ISY1: variants seen among roughly 807,000 people sequenced by gnomAD.
The protein encoded by ISY1 is pre-mRNA-splicing factor ISY1 homolog.
A neutral mutation model predicts 54.4 loss-of-function variants in ISY1; 12 were observed. The observed-to-expected ratio is 0.22, with a 90% CI of 0.14 to 0.36. ISY1 has a LOEUF of 0.36. Ranked by LOEUF, ISY1 falls within the 10% of genes least tolerant of loss-of-function variation. The pLI, the probability that ISY1 is intolerant of heterozygous loss-of-function variation, is 1.00. For missense variants in ISY1, 282 were observed against 342.2 expected, an observed-to-expected ratio of 0.82 and a Z score of 1.39; for synonymous variants, 96 against 117.9, an observed-to-expected ratio of 0.81 and a Z score of 1.20.
At chr3:129,138,445 C>A (rs1418684816) in intron 7 of ISY1, among the ~76,000 whole-genome samples, 1 of 150,008 alleles carries the variant, frequency 6.7e-6, no homozygotes, top group African/African-American at 2.5e-5. Context: ...ACCATCCTGG[C>A]TAACACGGTG....
chr3:129,132,332 T>C (rs900221322), intron 9 of ISY1, among the ~76,000 whole-genome samples: 3 of 152,188 alleles, frequency 2.0e-5, no homozygotes, highest in Non-Finnish European at 4.4e-5. Context: ...CCTGTATCTC[T>C]ATAATTATTT....
chr3:129,156,420 C>T (rs968556172), intron 5 of ISY1, among the ~76,000 whole-genome samples: 5 of 145,182 alleles, frequency 3.4e-5, no homozygotes, highest in Admixed American at 6.9e-5. Flanking sequence ...AAAAAAATGA[C>T]GTATTCTTTA....
At chr3:129,136,211 C>G (rs1204737954) in intron 7 of ISY1, among the ~76,000 whole-genome samples, 2 of 151,646 alleles carry the variant, frequency 1.3e-5, no homozygotes, top group Non-Finnish European at 2.9e-5. Flanking sequence ...AAGCGATTCT[C>G]CTGCCTCAGC....
In ISY1 at chr3:129,145,855, C is replaced by A; in HGVS notation, c.206G>T (p.Arg69Leu). The A allele has an allele frequency of 6.2e-7, 1 of 1,614,040 alleles. No individual in the cohort carries two copies. Among genetic ancestry groups the A allele is most frequent in the South Asian group, 1.1e-5 (1 of 91,080 alleles). Residue 69 changes from arginine to leucine, a missense_variant, in exon 6 of 11, where the codon CGA becomes CTA. This residue lies in a region of ISY1 where 279 missense variants were observed against 323.6 expected (regional missense o/e 0.86). Coordinates refer to ENST00000393295, the MANE Select transcript of ISY1 (RefSeq NM_020701.4). Reference protein sequence around the residue: ...QIQNAGLGEFRIRDLNDEINK... With the variant: ...QIQNAGLGEFLIRDLNDEINK... ...AATTTCATCATTCAGGTCACGAATT[C>A]GAAATTCACCTAAACCAGCTAGAAA...
chr3:129,143,492 C>T (rs1241687445), intron 6 of ISY1, among the ~76,000 whole-genome samples: 1 of 144,356 alleles, frequency 6.9e-6, no homozygotes, highest in Admixed American at 7.1e-5. Flanking sequence ...GGTGATGAAG[C>T]GAGACTCTGT....
intron 5 of ISY1, among the ~76,000 whole-genome samples, chr3:129,155,247 T>C (rs1178973391): frequency 6.6e-6 from 1 of 151,960 alleles, no homozygotes; most frequent in Admixed American, 6.6e-5. Context: ...AGTCCTGGAG[T>C]GCAGTGGCAC....
chr3:129,157,468 T>A (rs1937175523), intron 3 of ISY1, among the ~76,000 whole-genome samples: 1 of 151,986 alleles, frequency 6.6e-6, no homozygotes. Flanking sequence ...TCTCTGTAAT[T>A]CCCACTTTGG....
rs1400205732 is a variant in ISY1, at chr3:129,156,797, A to C, written c.144+58T>G. The stretch of plus-strand genomic sequence containing the variant: ...TTTTGGTCTAACAGTCATTTAGATA[A>C]TAAGAAGAAATGAGAGACTTGTTAC... On this transcript the variant is annotated intron_variant, in intron 4 of 10. Transcript: ENST00000393295. 5 of 1,588,922 alleles carry C rather than the reference A, an allele frequency of 3.1e-6. No individual in the cohort carries two copies. In the Admixed American group the frequency reaches 9.2e-5, roughly 29 times the overall value.
intron 6 of ISY1, among the ~76,000 whole-genome samples, chr3:129,143,050 G>A (rs1043335012): frequency 4.0e-5 from 6 of 151,824 alleles, no homozygotes; most frequent in East Asian, 1.9e-4. Context: ...GCGAGACTCC[G>A]TCGCAAAAAC....
chr3:129,137,947 C>T (rs1031721108), intron 7 of ISY1, among the ~76,000 whole-genome samples: 1 of 148,372 alleles, frequency 6.7e-6, no homozygotes, highest in African/African-American at 2.5e-5. Context: ...CTCGAGACCA[C>T]CCTGGCCAAC....
intron 7 of ISY1, among the ~76,000 whole-genome samples, chr3:129,138,687 C>A (rs1052244138): frequency 6.8e-6 from 1 of 148,136 alleles, no homozygotes; most frequent in Non-Finnish European, 1.5e-5. Flanking sequence ...TGGTGGCATG[C>A]GCCTGTAGTC....
chr3:129,134,658 A>G lies in ISY1; in HGVS notation c.541+174T>C, dbSNP rs183554066. On this transcript the variant is annotated intron_variant, in intron 8 of 10. Transcript: ENST00000393295. ...CCCCAACCTGTTACCTCTGGCCCAC[A>G]CAGCTTTGACTGCCTCACAGGGGTC... Among the ~76,000 whole-genome samples the G allele has an allele frequency of 1.9e-4, 29 of 152,284 alleles. No individual in the cohort carries two copies. In the East Asian group the frequency reaches 5.4e-3, roughly 28 times the overall value.
chr3:129,148,638 C>T (rs1936843463), intron 5 of ISY1, among the ~76,000 whole-genome samples: 1 of 152,234 alleles, frequency 6.6e-6, no homozygotes, highest in East Asian at 1.9e-4. Context: ...AATCTCAGCT[C>T]ACTGCGACCT....
rs1936138859 is a variant in ISY1 at position 129,128,073 on chromosome 3, C to G, written c.*2008G>C. 1 of 152,514 alleles carries G rather than the reference C, an allele frequency of 6.6e-6. No homozygotes were observed. The highest frequency in any genetic ancestry group is 2.1e-4 in the South Asian group (1 of 4,852). 9.4% of individuals were successfully genotyped at this position (152,514 alleles called of 1,614,324 possible). ...CCCAAACCACAGGACTGCCCAGACC[C>G]CAGAGCAAACTGAGACAGCACAGGT... On this transcript the variant is annotated 3_prime_UTR_variant, in exon 11 of 11. Transcript: ENST00000393295.
At chr3:129,156,177 T>C (rs1432081810) in intron 5 of ISY1, among the ~76,000 whole-genome samples, 3 of 151,890 alleles carry the variant, frequency 2.0e-5, no homozygotes, top group East Asian at 1.9e-4. Context: ...GGCGGGCGAA[T>C]TGCAAGGTCA....
chr3:129,159,325 A>C lies in ISY1; in HGVS notation c.4-149T>G, dbSNP rs536706143. The C allele has an allele frequency of 2.6e-5, 27 of 1,056,156 alleles. No individual in the cohort carries two copies. The South Asian group carries it at 4.3e-4, about 17-fold the overall frequency. 65.4% of individuals were successfully genotyped at this position (1,056,156 alleles called of 1,614,324 possible). A position where few individuals can be genotyped will look rare whatever the true frequency, so the allele number is the denominator to read the frequency against. On this transcript the variant is annotated intron_variant, in intron 1 of 10. Transcript: ENST00000393295. ...TGAACAACAATAAACAAAAATCAAA[A>C]GATGTCCAAATCCTGTGACCAAGGC...
intron 5 of ISY1, among the ~76,000 whole-genome samples, chr3:129,149,838 G>T (rs1936907133): frequency 6.7e-6 from 1 of 148,438 alleles, no homozygotes. Flanking sequence ...GCCAGGCATG[G>T]TGGCATGCGT....
chr3:129,134,796 G>C, intron 8 of ISY1, 36 bp downstream of exon 8: 1 of 1,577,054 alleles, frequency 6.3e-7, no homozygotes, highest in East Asian at 2.3e-5. Flanking sequence ...GAAAACAGAT[G>C]CCATCTATTA....
In ISY1 at chr3:129,161,024, A is replaced by C; in HGVS notation, c.-49T>G. 3 of 1,521,672 alleles carry C rather than the reference A, an allele frequency of 2.0e-6. No homozygotes were observed. The highest frequency in any genetic ancestry group is 2.7e-6 in the Non-Finnish European group (3 of 1,128,776). The allele number at this position is 1,521,672 out of a possible 1,614,324, so 94.3% of individuals were successfully genotyped here. A position where few individuals can be genotyped will look rare whatever the true frequency, so the allele number is the denominator to read the frequency against. ...GGAGCCCCGCGGCCCCTGTCCAAGA[A>C]ACTCCACAGGCCCAGAAGACGCCGA... On this transcript the variant is annotated 5_prime_UTR_variant, in exon 1 of 11. Coordinates refer to ENST00000393295, the MANE Select transcript of ISY1 (RefSeq NM_020701.4).
Sources: allele counts gnomAD v4.1 joint callset (sites outside exome capture counted in the v4.1 genomes callset), GRCh38; gene constraint gnomAD v4.1.1; regional missense constraint gnomAD v4.1.1; transcripts MANE v1.5; gene names NCBI Gene and HGNC (gene_info 2026-07-23, HGNC 2026-07-21).